PIWIL2: variants seen among roughly 807,000 people sequenced by gnomAD.
The protein encoded by PIWIL2 is piwi like RNA-mediated gene silencing 2, also known as piwi-like protein 2.
A neutral mutation model predicts 116.5 loss-of-function variants in PIWIL2; 81 were observed. The observed-to-expected ratio is 0.70, with a 90% CI of 0.58 to 0.84. The LOEUF is 0.84. Among genes scored for constraint, PIWIL2 ranks in the 40% least tolerant of loss-of-function variants. The pLI is 0.00. For synonymous variants in PIWIL2, 489 were observed against 429.5 expected (o/e 1.14, Z -1.71); for missense variants, 1,272 against 1,212.3 (o/e 1.05, Z -0.73).
intron 10 of PIWIL2, among the ~76,000 whole-genome samples, 157 bp from the exon 11 acceptor site, chr8:22,303,864 C>A (rs1017351751): frequency 1.3e-5 from 2 of 152,182 alleles, no homozygotes; most frequent in African/African-American, 4.8e-5. Flanking sequence ...CAAGCGTGAG[C>A]CACTGCATCT....
chr8:22,317,319 G>A (rs187981050), intron 19 of PIWIL2, among the ~76,000 whole-genome samples: 71 of 152,184 alleles, frequency 4.7e-4, no homozygotes, highest in African/African-American at 1.2e-3. Flanking sequence ...GTTGCCAAAG[G>A]TTTGATGTAT....
At chr8:22,289,217 A>G (rs974413553) in intron 8 of PIWIL2, among the ~76,000 whole-genome samples, 11 of 150,586 alleles carry the variant, frequency 7.3e-5, no homozygotes, top group Non-Finnish European at 1.2e-4. Flanking sequence ...CAGTGGCGCA[A>G]TCCCGGCTCA....
rs973785327 is a variant in PIWIL2, at chr8:22,279,342, T to C, written c.-45T>C. The C allele has an allele frequency of 1.4e-6, 2 of 1,414,456 alleles. No individual in the cohort carries two copies. The highest frequency in any genetic ancestry group is 2.8e-5 in the African/African-American group (2 of 71,044). 87.6% of individuals were successfully genotyped at this position (1,414,456 alleles called of 1,614,324 possible). A position where few individuals can be genotyped will look rare whatever the true frequency, so the allele number is the denominator to read the frequency against. ...TTAATCTTTTGAAAATGATGGCAGGTAATTAACCAGAACAGGATCGACACG... is the reference window on the plus strand; with the variant it reads ...TTAATCTTTTGAAAATGATGGCAGGCAATTAACCAGAACAGGATCGACACG... On this transcript the variant is annotated splice_region_variant and 5_prime_UTR_variant, in exon 2 of 23. Transcript: ENST00000356766.
intron 20 of PIWIL2, among the ~76,000 whole-genome samples, chr8:22,325,476 T>G (rs919567141): frequency 1.4e-5 from 2 of 140,976 alleles, no homozygotes; most frequent in Admixed American, 1.7e-4. Context: ...ATCTTTTGAT[T>G]TAGTCTTTTT....
At chr8:22,332,547 C>G (rs777648952) in intron 20 of PIWIL2, among the ~76,000 whole-genome samples, 19 of 152,076 alleles carry the variant, frequency 1.2e-4, no homozygotes, top group Non-Finnish European at 2.5e-4. Context: ...CATTATAACA[C>G]TGTTGAGGGT....
rs1218006796 is a variant in PIWIL2 at position 22,306,000 on chromosome 8, A to C, written c.1529A>C (p.Asp510Ala). 1 of 1,613,388 alleles carries C rather than the reference A, an allele frequency of 6.2e-7. No individual in the cohort carries two copies. Among genetic ancestry groups the C allele is most frequent in the Non-Finnish European group, 8.5e-7 (1 of 1,179,340 alleles). Residue 510 changes from aspartate to alanine, a missense_variant, in exon 13 of 23, where the codon GAC (aspartate) becomes GCC (alanine). Transcript: ENST00000356766. The part of the protein sequence containing the change: ...MTGIPEKMKK[D>A]FRAMKDLAQQ... ...GGAATCCCAGAGAAGATGAAGAAGG[A>C]CTTCAGAGCCATGAAGGTTGGAGTC...
chr8:22,309,886 T>C (rs532879242), intron 14 of PIWIL2, 75 bp from the exon 15 acceptor site: 2 of 833,842 alleles, frequency 2.4e-6, no homozygotes, highest in Admixed American at 1.8e-5. Flanking sequence ...GAGCAGGCCT[T>C]ATAGAGCAGT....
chr8:22,318,132 T>C (rs1831508948), intron 19 of PIWIL2, 38 bp from the exon 20 acceptor site: 2 of 1,315,408 alleles, frequency 1.5e-6, no homozygotes, highest in Non-Finnish European at 2.2e-6. Context: ...CATTTGTTCA[T>C]CTTCCTTTCT....
intron 20 of PIWIL2, among the ~76,000 whole-genome samples, chr8:22,338,251 CCAA>C (rs1466890786): frequency 6.6e-6 from 1 of 152,080 alleles, no homozygotes; most frequent in African/African-American, 2.4e-5. Flanking sequence ...TCCCAGGGAA[CCAA>C]CAACAACGAC....
At chr8:22,296,663 T>C (rs976547108) in intron 10 of PIWIL2, among the ~76,000 whole-genome samples, 4 of 152,218 alleles carry the variant, frequency 2.6e-5, no homozygotes, top group African/African-American at 9.6e-5. Flanking sequence ...TGTTTTAATT[T>C]CTGATTCCAG....
intron 3 of PIWIL2, 29 bp from the exon 4 acceptor site, chr8:22,281,348 C>A: frequency 6.3e-7 from 1 of 1,597,448 alleles, no homozygotes; most frequent in South Asian, 1.1e-5. Flanking sequence ...AAGTCATAGT[C>A]ATTGCTGGGG....
intron 20 of PIWIL2, among the ~76,000 whole-genome samples, chr8:22,337,817 A>G (rs551218964): frequency 2.0e-5 from 3 of 152,258 alleles, no homozygotes; most frequent in Non-Finnish European, 4.4e-5. Context: ...GATCTAGGCC[A>G]GGCGCAGTGA....
chr8:22,354,251 T>G lies in PIWIL2; in HGVS notation c.2658-20T>G. On this transcript the variant is annotated intron_variant, in intron 21 of 22. Coordinates refer to ENST00000356766, the MANE Select transcript of PIWIL2 (RefSeq NM_018068.5). ...TGGCTGAATCCGACCATTTCACTGA[T>G]TTATGGTTTTCCTTCCTAGGGTGGA... 2.0e-6 allele frequency: 3 copies of G among 1,502,196 alleles called. No individual in the cohort carries two copies. Among genetic ancestry groups the G allele is most frequent in the Non-Finnish European group, 1.9e-6 (2 of 1,078,044 alleles). The allele number at this position is 1,502,196 out of a possible 1,614,324, so 93.1% of individuals were successfully genotyped here.
At chr8:22,313,004 C>T (rs369400587) in intron 16 of PIWIL2, among the ~76,000 whole-genome samples, 1 of 152,328 alleles carries the variant, frequency 6.6e-6, no homozygotes, top group Non-Finnish European at 1.5e-5. Context: ...TGGCCTCCCT[C>T]AGACCTGATC....
At chr8:22,335,643 G>C (rs59422781) in intron 20 of PIWIL2, among the ~76,000 whole-genome samples, 1,538 of 150,022 alleles carry the variant, frequency 0.01, 26 homozygotes, top group African/African-American at 0.036. Flanking sequence ...TGCCTCCTGG[G>C]TTCAAGTAAT....
chr8:22,338,382 T>C (rs1832028851), intron 20 of PIWIL2, among the ~76,000 whole-genome samples: 1 of 152,102 alleles, frequency 6.6e-6, no homozygotes, highest in Admixed American at 6.6e-5. Flanking sequence ...CAATGAACAA[T>C]TGGAATTTGG....
At chr8:22,296,614 C>T (rs568269277) in intron 10 of PIWIL2, among the ~76,000 whole-genome samples, 10 of 152,186 alleles carry the variant, frequency 6.6e-5, no homozygotes, top group African/African-American at 1.4e-4. Context: ...ACTACTCCAT[C>T]GTCCTTGCTT....
At chr8:22,278,163 C>T (rs200659239) in intron 1 of PIWIL2, among the ~76,000 whole-genome samples, 6 of 150,174 alleles carry the variant, frequency 4.0e-5, no homozygotes, top group African/African-American at 7.3e-5. Context: ...AGTGAAACTC[C>T]GTCTAAAAAA....
chr8:22,337,101 C>T (rs1831997298), intron 20 of PIWIL2, among the ~76,000 whole-genome samples: 1 of 152,198 alleles, frequency 6.6e-6, no homozygotes, highest in South Asian at 2.1e-4. Context: ...TTACAAACTT[C>T]CCCCAAAATA....
Sources: allele counts gnomAD v4.1 joint callset (sites outside exome capture counted in the v4.1 genomes callset), GRCh38; gene constraint gnomAD v4.1.1; transcripts MANE v1.5; gene names NCBI Gene and HGNC (gene_info 2026-07-23, HGNC 2026-07-21).